Variants in ARID1B observed in about 807,000 individuals in gnomAD.
ARID1B encodes the protein AT-rich interactive domain-containing protein 1B.
Under a neutral mutation model 212.3 loss-of-function variants are expected in ARID1B, and 30 were observed. The observed-to-expected ratio is 0.14, with a 90% CI of 0.11 to 0.19. ARID1B has a LOEUF of 0.19. ARID1B is among the 10% of genes least tolerant of loss of function. ARID1B has a pLI of 1.00. For missense variants in ARID1B, 2,891 were observed against 3,204.0 expected (o/e 0.90, Z 2.36); for synonymous variants, 1,402 against 1,301.7 (o/e 1.08, Z -1.66).
At chr6:157,194,463 C>T (rs1335004704) in intron 15 of ARID1B, 1 of 152,216 alleles carries the variant, frequency 6.6e-6, no homozygotes, top group Non-Finnish European at 1.5e-5. Flanking sequence ...AAGTAACTAT[C>T]ATAGGATGGA....
At chr6:156,813,077 C>T (rs981885497) in intron 1 of ARID1B, among the ~76,000 whole-genome samples, 20 of 133,390 alleles carry the variant, frequency 1.5e-4, no homozygotes, top group African/African-American at 5.3e-4. Flanking sequence ...TATATACACA[C>T]ATACGTATGT....
rs374208235 is a variant in ARID1B, at chr6:157,050,405, G to A, written c.2248-34257G>A. ...CTAAAAATACAAAAATTAGCCAGGC[G>A]TGGTGGTGCGTGACTGTAATCGCAG... is the stretch of plus-strand genomic sequence containing the variant. On this transcript the variant is annotated intron_variant, in intron 4 of 19. Transcript: ENST00000636930. Among the ~76,000 whole-genome samples the A allele has an allele frequency of 5.3e-4, 81 of 152,090 alleles. 7 individuals carry two copies. Among genetic ancestry groups the A allele is most frequent in the Admixed American group, 2.7e-3 (41 of 15,260 alleles).
chr6:156,994,753 C>T (rs1778486777), intron 4 of ARID1B, among the ~76,000 whole-genome samples: 1 of 152,158 alleles, frequency 6.6e-6, no homozygotes, highest in Non-Finnish European at 1.5e-5. Context: ...AAGACTCAGT[C>T]CAGCCCAGGG....
chr6:157,010,281 T>A (rs989168452), intron 4 of ARID1B, among the ~76,000 whole-genome samples: 1 of 32,010 alleles, frequency 3.1e-5, no homozygotes, highest in Admixed American at 2.8e-4. Flanking sequence ...ATTGCCTGTT[T>A]TTTTTTTTTT....
chr6:156,776,601 C>T (rs2114942108), upstream of ARID1B: 1 of 152,344 alleles, frequency 6.6e-6, no homozygotes, highest in South Asian at 2.1e-4. Context: ...GCGCAGAAAA[C>T]ACCACTGTAC....
At chr6:157,059,617 G>A (rs917042800) in intron 4 of ARID1B, among the ~76,000 whole-genome samples, 5 of 152,158 alleles carry the variant, frequency 3.3e-5, no homozygotes, top group African/African-American at 1.2e-4. Flanking sequence ...TTTTCAGTGG[G>A]CCAGGCCCTG....
At chr6:157,204,371 A>C (rs1794306170) in intron 19 of ARID1B, 1 of 165,908 alleles carries the variant, frequency 6.0e-6, no homozygotes. Flanking sequence ...AGTTGGTTGC[A>C]ATGGGACATA....
chr6:156,986,684 T>C (rs927259256), intron 4 of ARID1B, among the ~76,000 whole-genome samples: 11 of 152,232 alleles, frequency 7.2e-5, no homozygotes, highest in African/African-American at 2.7e-4. Context: ...ATGACTATTA[T>C]TATTAAAGAG....
chr6:157,132,400 G>A (rs922416169), intron 6 of ARID1B, among the ~76,000 whole-genome samples: 13 of 152,230 alleles, frequency 8.5e-5, no homozygotes, highest in Non-Finnish European at 1.5e-4. Context: ...CTGCTGGGGC[G>A]CAGCAGAATA....
intron 2 of ARID1B, among the ~76,000 whole-genome samples, chr6:156,898,007 C>T (rs138678975): frequency 6.6e-6 from 1 of 152,178 alleles, no homozygotes; most frequent in Non-Finnish European, 1.5e-5. Flanking sequence ...CACGTGAACA[C>T]GTAGTTAAGT....
chr6:157,096,534 T>C (rs954115440), intron 5 of ARID1B, among the ~76,000 whole-genome samples: 4 of 152,236 alleles, frequency 2.6e-5, no homozygotes, highest in African/African-American at 9.6e-5. Flanking sequence ...AAAGAAGTAA[T>C]GGAGAGTACT....
intron 13 of ARID1B, among the ~76,000 whole-genome samples, chr6:157,187,481 A>T (rs1054483661): frequency 1.3e-5 from 2 of 152,190 alleles, no homozygotes; most frequent in African/African-American, 4.8e-5. Context: ...GACCTGGGAC[A>T]TATCAGCTAT....
chr6:157,148,550 A>G lies in ARID1B; in HGVS notation c.2762-74A>G, dbSNP rs1049664321. The G allele has an allele frequency of 2.7e-6, 4 of 1,496,090 alleles. No individual in the cohort carries two copies. The highest frequency in any genetic ancestry group is 3.6e-6 in the Non-Finnish European group (4 of 1,104,082). The allele number at this position is 1,496,090 out of a possible 1,614,324, so 92.7% of individuals were successfully genotyped here. On this transcript the variant is annotated intron_variant, in intron 7 of 19. Coordinates refer to ENST00000636930, the MANE Select transcript of ARID1B (RefSeq NM_001374828.1). This position sits in a 1 kb window ranked among gnomAD's most constrained non-coding sequence, Gnocchi z 5.6. ...TACTCCGTGCTGATCGCATTGTTGGACAAAAAGTATTTCCAGTGAATGTTG... is the reference window on the plus strand; with the variant it reads ...TACTCCGTGCTGATCGCATTGTTGGGCAAAAAGTATTTCCAGTGAATGTTG...
chr6:156,827,927 A>G (rs1782865109), intron 1 of ARID1B, among the ~76,000 whole-genome samples: 1 of 150,614 alleles, frequency 6.6e-6, no homozygotes, highest in South Asian at 2.1e-4. Flanking sequence ...TGCCCAGCTG[A>G]TTTTTGTATT....
intron 12 of ARID1B, 108 bp from the exon 13 acceptor site, chr6:157,184,123 G>C: frequency 1.0e-6 from 1 of 979,088 alleles, no homozygotes; most frequent in East Asian, 2.6e-5. Flanking sequence ...TTAGTTAAAA[G>C]AGGCAAATGA....
chr6:156,787,972 T>A (rs1379857049), intron 1 of ARID1B, among the ~76,000 whole-genome samples: 1 of 152,074 alleles, frequency 6.6e-6, no homozygotes, highest in Non-Finnish European at 1.5e-5. Context: ...AGGTCATGGA[T>A]GTCTATCTGT....
chr6:157,020,517 T>C (rs894658478), intron 4 of ARID1B, among the ~76,000 whole-genome samples: 1 of 152,248 alleles, frequency 6.6e-6, no homozygotes, highest in African/African-American at 2.4e-5. Context: ...TGTGTTTGAA[T>C]GCTTTAGCCA....
At chr6:156,841,133 G>A (rs1017016335) in intron 2 of ARID1B, among the ~76,000 whole-genome samples, 16 of 152,218 alleles carry the variant, frequency 1.1e-4, no homozygotes, top group Admixed American at 3.9e-4. Flanking sequence ...TGGGCTTTGA[G>A]CCTCTGTAGT....
chr6:157,070,843 A>G (rs1783966132), intron 4 of ARID1B, among the ~76,000 whole-genome samples: 1 of 152,224 alleles, frequency 6.6e-6, no homozygotes, highest in Non-Finnish European at 1.5e-5. Flanking sequence ...CAGCGCTAAT[A>G]ATGAGAACTG....
Sources: allele counts gnomAD v4.1 joint callset (sites outside exome capture counted in the v4.1 genomes callset), GRCh38; gene constraint gnomAD v4.1.1; non-coding constraint Gnocchi (gnomAD v3.1); transcripts MANE v1.5; gene names NCBI Gene and HGNC (gene_info 2026-07-23, HGNC 2026-07-21).